BRINP1: variants seen among roughly 807,000 people sequenced by gnomAD.
The protein encoded by BRINP1 is BMP/retinoic acid inducible neural specific 1.
A neutral mutation model predicts 72.9 loss-of-function variants in BRINP1; 17 were observed. That is an observed-to-expected ratio of 0.23 (90% CI 0.16 to 0.35). The LOEUF (loss-of-function observed/expected upper bound fraction) is 0.35. Among genes scored for constraint, BRINP1 ranks in the 10% least tolerant of loss-of-function variants. The probability of loss-of-function intolerance (pLI) is 1.00; values close to 1 mark genes in which losing one functional copy is unlikely to be tolerated. For synonymous variants in BRINP1, 418 were observed against 378.5 expected, an observed-to-expected ratio of 1.10 and a Z score of -1.21; for missense variants, 850 against 1,001.6, an observed-to-expected ratio of 0.85 and a Z score of 2.04.
chr9:119,304,975 C>G (rs190774772), intron 2 of BRINP1, among the ~76,000 whole-genome samples: 1 of 152,192 alleles, frequency 6.6e-6, no homozygotes, highest in African/African-American at 2.4e-5. Flanking sequence ...CTTTTTGCCC[C>G]CATCAGCCAA....
At chr9:119,247,457 C>T (rs1588176516) in intron 3 of BRINP1, among the ~76,000 whole-genome samples, 1 of 151,896 alleles carries the variant, frequency 6.6e-6, no homozygotes, top group Non-Finnish European at 1.5e-5. Context: ...TCAAGACCAT[C>T]CTGTCAACAC....
At chr9:119,231,688 C>T (rs532913505) in intron 5 of BRINP1, among the ~76,000 whole-genome samples, 9 of 152,118 alleles carry the variant, frequency 5.9e-5, no homozygotes, top group East Asian at 3.9e-4. Context: ...CAGTATTTGA[C>T]GCAGTTACTG....
intron 1 of BRINP1, among the ~76,000 whole-genome samples, chr9:119,351,449 GAA>G (rs901562664): frequency 6.9e-6 from 1 of 144,010 alleles, no homozygotes; most frequent in Non-Finnish European, 1.5e-5. Flanking sequence ...TGCCAGGTTT[GAA>G]AAAAAAAAAG....
chr9:119,238,802 C>T (rs1830217326), intron 4 of BRINP1, 42 bp from the exon 5 acceptor site: 2 of 1,348,692 alleles, frequency 1.5e-6, no homozygotes, highest in Non-Finnish European at 1.1e-6. Flanking sequence ...GACAGCAGTC[C>T]TTGTCTAGGA....
At chr9:119,204,308 G>A (rs1362317035) in intron 7 of BRINP1, among the ~76,000 whole-genome samples, 1 of 152,084 alleles carries the variant, frequency 6.6e-6, no homozygotes, top group African/African-American at 2.4e-5. Context: ...CTAAATTTTG[G>A]GGTGAATTGT....
chr9:119,194,030 G>A (rs1347237158), intron 7 of BRINP1, among the ~76,000 whole-genome samples: 1 of 152,314 alleles, frequency 6.6e-6, no homozygotes, highest in Non-Finnish European at 1.5e-5. Flanking sequence ...TGGAAAGGAA[G>A]AACTGCCCAG....
At chr9:119,302,295 A>C (rs952156767) in intron 2 of BRINP1, among the ~76,000 whole-genome samples, 1 of 152,234 alleles carries the variant, frequency 6.6e-6, no homozygotes, top group Admixed American at 6.5e-5. Context: ...AGAGAAAATG[A>C]GGATGATTTT....
intron 5 of BRINP1, among the ~76,000 whole-genome samples, chr9:119,214,586 A>G (rs1222178913): frequency 9.1e-6 from 1 of 110,378 alleles, no homozygotes; most frequent in Non-Finnish European, 2.0e-5. Flanking sequence ...GCCTGTAGAG[A>G]TAAAAAAAAA....
At chr9:119,229,571 A>G (rs1425132026) in intron 5 of BRINP1, among the ~76,000 whole-genome samples, 1 of 152,112 alleles carries the variant, frequency 6.6e-6, no homozygotes, top group Non-Finnish European at 1.5e-5. Flanking sequence ...AGAAGGTCAG[A>G]GAAGCAAAAG....
chr9:119,290,467 T>C (rs1446149142), intron 2 of BRINP1, among the ~76,000 whole-genome samples: 1 of 152,182 alleles, frequency 6.6e-6, no homozygotes, highest in East Asian at 1.9e-4. Flanking sequence ...ATTGTGCCAT[T>C]ACTGGGGCCA....
chr9:119,284,252 A>G (rs1039986834), intron 2 of BRINP1, among the ~76,000 whole-genome samples: 25 of 152,184 alleles, frequency 1.6e-4, no homozygotes, highest in Non-Finnish European at 2.2e-4. Flanking sequence ...TACAAATTCC[A>G]TACTATCCAG....
At chr9:119,245,212 CAT>C (rs373699851) in intron 3 of BRINP1, among the ~76,000 whole-genome samples, 661 of 65,976 alleles carry the variant, frequency 0.01, 1 homozygote, top group Middle Eastern at 0.059. Flanking sequence ...CACACACACA[CAT>C]ATACATGTTG....
At chr9:119,197,399 G>A (rs1296543991) in intron 7 of BRINP1, among the ~76,000 whole-genome samples, 7 of 152,180 alleles carry the variant, frequency 4.6e-5, no homozygotes, top group Admixed American at 4.6e-4. Flanking sequence ...TGATAGGGTT[G>A]TCATAAGGAT....
intron 2 of BRINP1, among the ~76,000 whole-genome samples, chr9:119,289,775 C>T (rs1473041215): frequency 6.6e-6 from 1 of 152,146 alleles, no homozygotes. Context: ...AACTCATTGA[C>T]CTAAGTCAGA....
At chr9:119,201,573 C>T (rs1244462102) in intron 7 of BRINP1, among the ~76,000 whole-genome samples, 1 of 152,218 alleles carries the variant, frequency 6.6e-6, no homozygotes, top group African/African-American at 2.4e-5. Context: ...CTGTACCTCA[C>T]CTCTGCAAGG....
intron 1 of BRINP1, among the ~76,000 whole-genome samples, chr9:119,362,877 T>C (rs1429425315): frequency 6.6e-6 from 1 of 152,198 alleles, no homozygotes; most frequent in African/African-American, 2.4e-5. Context: ...ATTCTCAAAC[T>C]CTCTTTAGTC....
chr9:119,343,692 C>T (rs181833699), intron 1 of BRINP1, among the ~76,000 whole-genome samples: 1 of 152,256 alleles, frequency 6.6e-6, no homozygotes, highest in Admixed American at 6.5e-5. Context: ...AGTAAGTGAT[C>T]CTTGACAGAT....
At chr9:119,322,977 G>A (rs144547753) in intron 1 of BRINP1, among the ~76,000 whole-genome samples, 4 of 152,248 alleles carry the variant, frequency 2.6e-5, no homozygotes, top group East Asian at 3.9e-4. Flanking sequence ...ACAGGTGCAC[G>A]ACCATCATAT....
intron 5 of BRINP1, among the ~76,000 whole-genome samples, chr9:119,219,644 A>G (rs1171965033): frequency 8.0e-6 from 1 of 124,916 alleles, no homozygotes; most frequent in South Asian, 2.9e-4. Context: ...CTTACTGTTT[A>G]CTGAGAGAGA....
Sources: gnomAD v4.1 joint callset for allele counts (sites outside exome capture counted in the v4.1 genomes callset) on GRCh38, gnomAD v4.1.1 for gene constraint, MANE v1.5 for transcripts, NCBI Gene and HGNC (gene_info 2026-07-23, HGNC 2026-07-21) for gene names.